Variants in GLYR1 observed in about 807,000 individuals in gnomAD.
The protein encoded by GLYR1 is cytokine-like nuclear factor N-PAC.
In GLYR1, 21 loss-of-function variants were observed where a neutral mutation model predicts 72.7. The observed-to-expected ratio is 0.29, with a 90% CI of 0.20 to 0.42. GLYR1 has a LOEUF of 0.42. GLYR1 is among the 10% of genes least tolerant of loss of function. The pLI is 1.00. For missense variants in GLYR1, 594 were observed against 712.1 expected (o/e 0.83, Z 1.89); for synonymous variants, 392 against 270.2 (o/e 1.45, Z -4.42).
intron 15 of GLYR1, among the ~76,000 whole-genome samples, chr16:4,809,734 G>A (rs1199077253): frequency 6.6e-6 from 1 of 151,710 alleles, no homozygotes; most frequent in Admixed American, 6.6e-5. Flanking sequence ...GCCCAGCCTG[G>A]CCAACATGGT....
chr16:4,806,635 G>A (rs890048151), intron 15 of GLYR1, among the ~76,000 whole-genome samples: 1 of 151,662 alleles, frequency 6.6e-6, no homozygotes, highest in South Asian at 2.1e-4. Context: ...ACCCTGCCTC[G>A]ACCTCCCAAA....
At chr16:4,844,658 G>C (rs1020498708) in intron 3 of GLYR1, among the ~76,000 whole-genome samples, 1 of 152,222 alleles carries the variant, frequency 6.6e-6, no homozygotes, top group African/African-American at 2.4e-5. Context: ...CTACTCGGGA[G>C]GCTGAGGTGA....
chr16:4,813,149 G>C (rs894087857), intron 12 of GLYR1, among the ~76,000 whole-genome samples: 2 of 151,474 alleles, frequency 1.3e-5, no homozygotes, highest in African/African-American at 4.9e-5. Flanking sequence ...ATTTTTAGTA[G>C]AGATGGGGTT....
intron 15 of GLYR1, among the ~76,000 whole-genome samples, chr16:4,809,484 C>T (rs2083199340): frequency 2.6e-5 from 4 of 151,478 alleles, no homozygotes; most frequent in Non-Finnish European, 2.9e-5. Context: ...TGGTGGCAGG[C>T]GCCTGCAGTC....
intron 15 of GLYR1, among the ~76,000 whole-genome samples, chr16:4,806,025 G>A (rs1036396340): frequency 6.6e-6 from 1 of 152,062 alleles, no homozygotes; most frequent in Non-Finnish European, 1.5e-5. Flanking sequence ...ATAAATAAAT[G>A]AATAAAAAAT....
chr16:4,823,043 T>C (rs1049785935), intron 6 of GLYR1, 112 bp from the exon 7 acceptor site: 1 of 871,318 alleles, frequency 1.1e-6, no homozygotes, highest in Admixed American at 2.0e-5. Flanking sequence ...TTCTGGTCTC[T>C]TTTTCACAAT....
chr16:4,807,294 G>T (rs1692389940), intron 15 of GLYR1, among the ~76,000 whole-genome samples: 1 of 151,558 alleles, frequency 6.6e-6, no homozygotes, highest in Non-Finnish European at 1.5e-5. Flanking sequence ...GGTATTTTTA[G>T]TAGAGACTGG....
chr16:4,814,127 C>T (rs902568376), intron 11 of GLYR1, among the ~76,000 whole-genome samples: 1 of 151,538 alleles, frequency 6.6e-6, no homozygotes, highest in Admixed American at 6.6e-5. Context: ...TTGGGGACTT[C>T]TTTGGATTTA....
At chr16:4,810,051 C>A (rs1256914186) in intron 15 of GLYR1, among the ~76,000 whole-genome samples, 1 of 151,946 alleles carries the variant, frequency 6.6e-6, no homozygotes, top group African/African-American at 2.4e-5. Context: ...AACCCAAACA[C>A]TAGATAAACT....
intron 3 of GLYR1, among the ~76,000 whole-genome samples, chr16:4,836,507 T>C (rs1378524599): frequency 1.3e-5 from 2 of 152,178 alleles, no homozygotes; most frequent in Admixed American, 1.3e-4. Flanking sequence ...GCTTTTTATG[T>C]ACAGTAGAAT....
intron 15 of GLYR1, among the ~76,000 whole-genome samples, chr16:4,806,494 T>C (rs1596294895): frequency 6.6e-6 from 1 of 151,850 alleles, no homozygotes; most frequent in East Asian, 1.9e-4. Flanking sequence ...GCCTCCCAAG[T>C]AGCTAGGAAT....
At chr16:4,815,118 T>TC (rs1018955321) in intron 10 of GLYR1, among the ~76,000 whole-genome samples, 4 of 152,108 alleles carry the variant, frequency 2.6e-5, no homozygotes, top group African/African-American at 9.7e-5. Context: ...TTGGCTTTTT[T>TC]TTTTTGAGAC....
intron 10 of GLYR1, among the ~76,000 whole-genome samples, chr16:4,816,361 T>G (rs950930888): frequency 6.6e-6 from 1 of 152,124 alleles, no homozygotes; most frequent in African/African-American, 2.4e-5. Flanking sequence ...CAGGCTGGTC[T>G]CAAATTCCTG....
chr16:4,818,580 G>A (rs970113881), intron 9 of GLYR1, among the ~76,000 whole-genome samples: 1 of 152,150 alleles, frequency 6.6e-6, no homozygotes, highest in African/African-American at 2.4e-5. Flanking sequence ...ACTGCACCCG[G>A]CTCTGGATAC....
chr16:4,826,185 C>G (rs1170181061), intron 5 of GLYR1, among the ~76,000 whole-genome samples: 1 of 152,154 alleles, frequency 6.6e-6, no homozygotes, highest in Non-Finnish European at 1.5e-5. Context: ...GTAGCTGGGA[C>G]TACAGGTGTG....
intron 9 of GLYR1, among the ~76,000 whole-genome samples, chr16:4,820,152 C>T (rs1471660078): frequency 2.6e-5 from 4 of 152,182 alleles, no homozygotes; most frequent in African/African-American, 7.2e-5. Context: ...CACCCACCAT[C>T]ATGCCTGGCT....
chr16:4,834,922 T>A (rs1000760040), intron 3 of GLYR1, among the ~76,000 whole-genome samples: 2 of 152,158 alleles, frequency 1.3e-5, no homozygotes, highest in African/African-American at 4.8e-5. Context: ...GGGATGCTAA[T>A]GACAGGCCAG....
Position 4,812,091 on chromosome 16 carries a change from A to T in GLYR1, c.1277T>A (p.Phe426Tyr), listed in dbSNP as rs1256695183. The T allele has an allele frequency of 2.5e-6, 4 of 1,613,302 alleles. No homozygotes were observed. In the Admixed American group the frequency reaches 6.7e-5, roughly 27 times the overall value. Residue 426 changes from phenylalanine to tyrosine, a missense_variant, in exon 13 of 16, where the codon TTC becomes TAC. By Grantham distance (22) the Phe-to-Tyr change is conservative. This residue lies in a region of GLYR1 where 266 missense variants were observed against 358.4 expected (regional missense o/e 0.74). Transcript: ENST00000321919. ...CFQAMGKTSF[F>Y]LGEVGNAAKM... is the part of the protein sequence containing the mutation. The stretch of plus-strand genomic sequence containing the variant: ...GACAGGTGCAGGCGTGTTACCTAGG[A>T]AGAAGGAGGTCTTCCCCATCGCCTG...
chr16:4,826,327 A>G (rs1421984069), intron 5 of GLYR1, among the ~76,000 whole-genome samples: 1 of 152,084 alleles, frequency 6.6e-6, no homozygotes, highest in African/African-American at 2.4e-5. Context: ...ACTGGTCTCT[A>G]ACTTCTGGCC....
Sources: allele counts gnomAD v4.1 joint callset (sites outside exome capture counted in the v4.1 genomes callset), GRCh38; gene constraint gnomAD v4.1.1; regional missense constraint gnomAD v4.1.1; transcripts MANE v1.5; gene names NCBI Gene and HGNC (gene_info 2026-07-23, HGNC 2026-07-21).